Variants in UBQLN1 observed in about 807,000 individuals in gnomAD.
The protein encoded by UBQLN1 is ubiquilin-1.
In UBQLN1, 13 loss-of-function variants were observed where a neutral mutation model predicts 65.4. The ratio of observed to expected loss-of-function variants is 0.20; its 90% CI spans 0.13 to 0.32. The LOEUF (loss-of-function observed/expected upper bound fraction) is 0.32. Ranked by LOEUF, UBQLN1 falls within the 10% of genes least tolerant of loss-of-function variation. The probability of loss-of-function intolerance (pLI) is 1.00; values close to 1 mark genes in which losing one functional copy is unlikely to be tolerated. For synonymous variants in UBQLN1, 267 were observed against 247.8 expected (o/e 1.08, Z -0.73); for missense variants, 561 against 724.0 (o/e 0.77, Z 2.58).
intron 7 of UBQLN1, 183 bp from the exon 8 acceptor site, chr9:83,666,616 C>A: frequency 4.0e-5 from 20 of 503,134 alleles, no homozygotes; most frequent in Middle Eastern, 8.4e-4. Context: ...AGAACAAAAA[C>A]AAAAAAATGA....
At chr9:83,664,346 G>A (rs576217179) in intron 9 of UBQLN1, among the ~76,000 whole-genome samples, 2 of 152,232 alleles carry the variant, frequency 1.3e-5, no homozygotes, top group Admixed American at 1.3e-4. Flanking sequence ...TTTAGCCCAG[G>A]AGGTAGAGGC....
intron 6 of UBQLN1, 130 bp from the exon 7 acceptor site, chr9:83,669,457 G>C (rs1389847591): frequency 1.2e-6 from 1 of 860,500 alleles, no homozygotes; most frequent in Non-Finnish European, 1.7e-6. Flanking sequence ...TGTATCAACT[G>C]AACTACGAAA....
At position 83,707,916 on chromosome 9, in the gene UBQLN1, C is replaced by A. The variant is rs970012161; in HGVS notation, c.-237G>T. ...AGCCGCCGTGTGTTCAGGCGCCGCT[C>A]GCTCACACCGACATCCGCAGCAGCC... On this transcript the variant is annotated 5_prime_UTR_variant, in exon 1 of 11. Coordinates refer to ENST00000376395, the MANE Select transcript of UBQLN1 (RefSeq NM_013438.5). 8 of 530,490 alleles carry A rather than the reference C, an allele frequency of 1.5e-5. No homozygotes were observed. The South Asian group carries it at 1.8e-4, about 12-fold the overall frequency. The allele number at this position is 530,490 out of a possible 1,614,324, so 32.9% of individuals were successfully genotyped here.
chr9:83,685,939 A>G (rs2131169423), intron 2 of UBQLN1, 65 bp downstream of exon 2: 5 of 1,372,160 alleles, frequency 3.6e-6, no homozygotes, highest in Middle Eastern at 1.9e-4. Flanking sequence ...AGCCAACACT[A>G]GTTACTTTTA....
chr9:83,666,531 C>T, intron 7 of UBQLN1, 98 bp from the exon 8 acceptor site: 1 of 1,112,630 alleles, frequency 9.0e-7, no homozygotes, highest in Non-Finnish European at 1.3e-6. Context: ...TCAGCTGGCA[C>T]TTAAAAGGGA....
chr9:83,667,882 A>G (rs2131144618), intron 7 of UBQLN1: 1 of 976,672 alleles, frequency 1.0e-6, no homozygotes, highest in South Asian at 4.8e-5. Flanking sequence ...ATCTGTAATA[A>G]AAGACATGCC....
rs1178973496 is a variant in UBQLN1 at position 83,692,404 on chromosome 9, TAC to T, written c.181-6251_181-6250del. On this transcript the variant is annotated intron_variant, in intron 1 of 10. Coordinates refer to ENST00000376395, the MANE Select transcript of UBQLN1 (RefSeq NM_013438.5). ...ACGTAACTTCCTTGTCTGTTTAATCTACACTTTTATCATACAACAGCAGGAAT... is the reference window on the plus strand; with the variant it reads ...ACGTAACTTCCTTGTCTGTTTAATCTACTTTTATCATACAACAGCAGGAAT... Among the ~76,000 whole-genome samples, 4 of 152,346 alleles carry T rather than the reference TAC, an allele frequency of 2.6e-5. No homozygotes were observed. In the East Asian group the frequency reaches 7.7e-4, roughly 29 times the overall value.
chr9:83,707,825 C>G lies in UBQLN1; in HGVS notation c.-146G>C, dbSNP rs1056073. On this transcript the variant is annotated 5_prime_UTR_variant, in exon 1 of 11. Transcript: ENST00000376395. ...TCAGTAGCAACGGGCGCAGGGCCAC[C>G]GTAGCGGGTGTGGGGCCCCGGAGCT... 0.26 allele frequency: 332,412 copies of G among 1,267,112 alleles called. 50,920 individuals carry two copies. Among genetic ancestry groups the G allele is most frequent in the East Asian group, 0.81 (26,840 of 33,098 alleles). The allele number at this position is 1,267,112 out of a possible 1,614,324, so 78.5% of individuals were successfully genotyped here. A position where few individuals can be genotyped will look rare whatever the true frequency, so the allele number is the denominator to read the frequency against.
At chr9:83,694,762 A>G (rs1832181975) in intron 1 of UBQLN1, among the ~76,000 whole-genome samples, 1 of 152,220 alleles carries the variant, frequency 6.6e-6, no homozygotes, top group Non-Finnish European at 1.5e-5. Context: ...AACCAATATA[A>G]GTAAATCATA....
At chr9:83,680,341 T>G (rs1192489079) in intron 3 of UBQLN1, among the ~76,000 whole-genome samples, 1 of 152,156 alleles carries the variant, frequency 6.6e-6, no homozygotes, top group Non-Finnish European at 1.5e-5. Flanking sequence ...TGGAATTTTC[T>G]GAGTGACAGG....
At chr9:83,668,600 A>G (rs1831680637) in intron 7 of UBQLN1, 1 of 985,462 alleles carries the variant, frequency 1.0e-6, no homozygotes, top group African/African-American at 1.7e-5. Context: ...TTCAGCCAGC[A>G]TTAAGATCCC....
rs150106876 is a variant in UBQLN1 at position 83,694,063 on chromosome 9, T to C, written c.181-7908A>G. 1.1e-3 allele frequency among the ~76,000 whole-genome samples: 161 copies of C among 152,310 alleles called. 1 individual carries two copies. Among genetic ancestry groups the C allele is most frequent in the East Asian group, 8.5e-3 (44 of 5,192 alleles). On this transcript the variant is annotated intron_variant, in intron 1 of 10. Transcript: ENST00000376395. ...AGTTAATCTGACTTTAAAAGCAACA[T>C]TGTCACCCTTTACAAACATTTCAAA...
At chr9:83,662,073 T>C in intron 10 of UBQLN1, 134 bp from the exon 11 acceptor site, 1 of 700,494 alleles carries the variant, frequency 1.4e-6, no homozygotes, top group East Asian at 2.7e-5. Flanking sequence ...GCCCACCTCT[T>C]GAAACTTATC....
At chr9:83,671,070 A>T (rs1031555188) in intron 6 of UBQLN1, among the ~76,000 whole-genome samples, 1 of 152,038 alleles carries the variant, frequency 6.6e-6, no homozygotes, top group Non-Finnish European at 1.5e-5. Flanking sequence ...GGCTCAAGGG[A>T]TCCTCCTGCC....
rs769766857 is a variant in UBQLN1, at chr9:83,677,820, T to A, written c.1012A>T (p.Thr338Ser). Residue 338 changes from threonine (T) to serine (S), a missense_variant, in exon 6 of 11, where the codon ACT becomes TCT. Physicochemically the swap from Thr to Ser is moderately conservative, Grantham distance 58 (BLOSUM62 1). Around this residue, in one of 8 missense-constraint regions of UBQLN1, gnomAD observed 89 missense variants for 77.8 expected, o/e 1.14. Coordinates refer to ENST00000376395, the MANE Select transcript of UBQLN1 (RefSeq NM_013438.5). ...GTAGTGCCACCCACAGTGCTGGCAGTGCCGCTGGAAGCTGATGAACTCTGG... is the reference window on the plus strand; with the variant it reads ...GTAGTGCCACCCACAGTGCTGGCAGAGCCGCTGGAAGCTGATGAACTCTGG... ...TSQSSSASSG[T>S]ASTVGGTTGS... is the part of the protein sequence containing the mutation. The A allele has an allele frequency of 6.2e-7, 1 of 1,614,108 alleles. No individual in the cohort carries two copies. Among genetic ancestry groups the A allele is most frequent in the Non-Finnish European group, 8.5e-7 (1 of 1,180,014 alleles).
intron 1 of UBQLN1, among the ~76,000 whole-genome samples, chr9:83,703,708 G>A (rs998877369): frequency 6.6e-6 from 1 of 152,104 alleles, no homozygotes; most frequent in African/African-American, 2.4e-5. Flanking sequence ...TTACTCAGTT[G>A]ATTCTGAGTG....
intron 1 of UBQLN1, among the ~76,000 whole-genome samples, chr9:83,689,040 T>C (rs1194295741): frequency 6.6e-6 from 1 of 152,216 alleles, no homozygotes; most frequent in Non-Finnish European, 1.5e-5. Flanking sequence ...TCAGAACATT[T>C]TCATTACCTC....
chr9:83,676,792 G>A (rs1006519964), intron 6 of UBQLN1, among the ~76,000 whole-genome samples: 1 of 152,128 alleles, frequency 6.6e-6, no homozygotes, highest in African/African-American at 2.4e-5. Context: ...TTAGAGAAGT[G>A]CTCCCATGTC....
intron 6 of UBQLN1, among the ~76,000 whole-genome samples, chr9:83,671,098 C>T (rs555220944): frequency 6.2e-4 from 94 of 152,184 alleles, no homozygotes; most frequent in African/African-American, 2.2e-3. Flanking sequence ...TCCAAAGTGC[C>T]GTGATTAAAG....
Sources: gnomAD v4.1 joint callset for allele counts (sites outside exome capture counted in the v4.1 genomes callset) on GRCh38, gnomAD v4.1.1 for gene constraint, gnomAD v4.1.1 regional missense constraint, MANE v1.5 for transcripts, NCBI Gene and HGNC (gene_info 2026-07-23, HGNC 2026-07-21) for gene names.